The following AIG1 variants were observed in gnomAD, a reference collection of about 807,000 sequenced individuals.
AIG1 encodes the protein androgen-induced gene 1 protein.
AIG1 carries 23 observed loss-of-function variants against 31.4 expected under a neutral mutation model. The ratio of observed to expected loss-of-function variants is 0.73; its 90% confidence interval spans 0.53 to 1.04. The LOEUF (loss-of-function observed/expected upper bound fraction) is 1.04. Ranked by LOEUF, AIG1 falls within the 50% of genes least tolerant of loss-of-function variation. The pLI is 0.00. For missense variants in AIG1, 274 were observed against 295.0 expected (o/e 0.93, Z 0.52); for synonymous variants, 100 against 110.5 (o/e 0.90, Z 0.60).
At chr6:143,231,537 G>A (rs374673407) in intron 3 of AIG1, among the ~76,000 whole-genome samples, 3 of 152,164 alleles carry the variant, frequency 2.0e-5, no homozygotes, top group Admixed American at 6.5e-5. Context: ...CATGGGCATA[G>A]CTATAGACCA....
chr6:143,230,814 G>A (rs1303200282), intron 3 of AIG1, among the ~76,000 whole-genome samples: 1 of 152,098 alleles, frequency 6.6e-6, no homozygotes, highest in Non-Finnish European at 1.5e-5. Flanking sequence ...TAAAATTTGA[G>A]AACTATTAAT....
intron 4 of AIG1, among the ~76,000 whole-genome samples, chr6:143,296,294 T>A (rs1798423094): frequency 1.3e-5 from 2 of 152,134 alleles, no homozygotes; most frequent in Admixed American, 1.3e-4. Context: ...GTGACTGACA[T>A]CCTATAGGAG....
At chr6:143,283,895 A>C (rs1042069171) in intron 3 of AIG1, among the ~76,000 whole-genome samples, 1 of 152,222 alleles carries the variant, frequency 6.6e-6, no homozygotes, top group African/African-American at 2.4e-5. Context: ...AATACAATAA[A>C]ATTTCAAAAA....
In AIG1 at chr6:143,176,707, C is replaced by A. The variant is rs143609999; in HGVS notation, c.399+11524C>A. The stretch of plus-strand genomic sequence containing the variant: ...AAGCTGGTCTCGCTCCCACCTCCCA[C>A]CATGCCACCCCCAACAGCACACAGT... On this transcript the variant is annotated intron_variant, in intron 3 of 5. Transcript: ENST00000357847. 9.8e-3 allele frequency among the ~76,000 whole-genome samples: 1,493 copies of A among 152,378 alleles called. 20 individuals are homozygous for A. The highest frequency in any genetic ancestry group is 0.034 in the African/African-American group (1,427 of 41,586).
intron 4 of AIG1, among the ~76,000 whole-genome samples, chr6:143,301,355 G>A (rs572128768): frequency 6.6e-6 from 1 of 152,310 alleles, no homozygotes; most frequent in South Asian, 2.1e-4. Context: ...AAGGCCATCA[G>A]GTAGGTTTCC....
At position 143,334,200 on chromosome 6, in the gene AIG1, A is replaced by C. The variant is rs1054529007; in HGVS notation, c.679+755A>C. 1 of 1,148,864 alleles carries C rather than the reference A, an allele frequency of 8.7e-7. No individual in the cohort carries two copies. The highest frequency in any genetic ancestry group is 1.2e-6 in the Non-Finnish European group (1 of 825,430). 71.2% of individuals were successfully genotyped at this position (1,148,864 alleles called of 1,614,324 possible). On this transcript the variant is annotated intron_variant, in intron 5 of 5. Coordinates refer to ENST00000357847, the MANE Select transcript of AIG1 (RefSeq NM_016108.4). This position sits in a 1 kb window ranked among gnomAD's most constrained non-coding sequence, Gnocchi z 5.1. ...CGCCAGCACAGACATGTAGTGATTG[A>C]GTCCTGCATGAAAATACATCCAAAG...
chr6:143,200,520 A>G (rs1790613300), intron 3 of AIG1, among the ~76,000 whole-genome samples: 1 of 151,984 alleles, frequency 6.6e-6, no homozygotes, highest in African/African-American at 2.4e-5. Context: ...TCAACCCAGA[A>G]TGTTTCCACT....
At chr6:143,255,389 C>T (rs542066563) in intron 3 of AIG1, among the ~76,000 whole-genome samples, 3 of 152,276 alleles carry the variant, frequency 2.0e-5, no homozygotes, top group South Asian at 2.1e-4. Context: ...CCTGAGGCCT[C>T]GATTCTTGGC....
intron 3 of AIG1, among the ~76,000 whole-genome samples, chr6:143,255,235 T>A (rs2128651815): frequency 6.6e-6 from 1 of 152,312 alleles, no homozygotes; most frequent in Non-Finnish European, 1.5e-5. Context: ...TGAAAATGGT[T>A]CTTTCAGTTA....
chr6:143,255,196 A>G (rs948162475), intron 3 of AIG1, among the ~76,000 whole-genome samples: 1 of 152,192 alleles, frequency 6.6e-6, no homozygotes, highest in Non-Finnish European at 1.5e-5. Flanking sequence ...AGTTAGCAAC[A>G]ATAATTGAGC....
intron 5 of AIG1, chr6:143,335,209 G>A (rs1341980725): frequency 2.4e-5 from 29 of 1,195,024 alleles, no homozygotes; most frequent in Middle Eastern, 4.1e-4. Context: ...CTACATCGTG[G>A]AATTTTTGTT....
At chr6:143,059,475 T>A (rs1033478694), upstream of AIG1, among the ~76,000 whole-genome samples, 4 of 152,188 alleles carry the variant, frequency 2.6e-5, no homozygotes, top group Non-Finnish European at 4.4e-5. Context: ...TATAACCATG[T>A]ACCAAGGATG....
chr6:143,169,394 TC>T (rs1243077491), intron 3 of AIG1, among the ~76,000 whole-genome samples: 2 of 152,184 alleles, frequency 1.3e-5, no homozygotes, highest in South Asian at 2.1e-4. Flanking sequence ...AATGGCCAAA[TC>T]AGGGTAATTA....
At chr6:143,143,556 C>T (rs373578188) in intron 2 of AIG1, among the ~76,000 whole-genome samples, 5,062 of 71,376 alleles carry the variant, frequency 0.071, 505 homozygotes, top group African/African-American at 0.26. Context: ...TATATATATA[C>T]ACACACACTT....
At position 143,245,289 on chromosome 6, in the gene AIG1, C is replaced by A. The variant is rs1794541626; in HGVS notation, c.400-38821C>A. ...ATTCAGTTTATTTCAGTGGAAAGTC[C>A]TACCACTATCCAAAGTCTGAATTTC... On this transcript the variant is annotated intron_variant, in intron 3 of 5. Transcript: ENST00000357847. Among the ~76,000 whole-genome samples, 3 of 152,116 alleles carry A rather than the reference C, an allele frequency of 2.0e-5. No homozygotes were observed. The South Asian group carries it at 6.2e-4, about 32-fold the overall frequency.
At chr6:143,313,826 A>G (rs961689308) in intron 4 of AIG1, among the ~76,000 whole-genome samples, 3 of 152,076 alleles carry the variant, frequency 2.0e-5, no homozygotes, top group African/African-American at 7.2e-5. Flanking sequence ...TACACCTACT[A>G]TGAACCCACA....
At chr6:143,247,136 A>G (rs1241089066) in intron 3 of AIG1, among the ~76,000 whole-genome samples, 3 of 106,776 alleles carry the variant, frequency 2.8e-5, no homozygotes, top group African/African-American at 1.3e-4. Context: ...TTTGGTGTCC[A>G]AGATTTTTTT....
At chr6:143,107,871 T>C (rs1171102175) in intron 1 of AIG1, among the ~76,000 whole-genome samples, 1 of 152,222 alleles carries the variant, frequency 6.6e-6, no homozygotes, top group African/African-American at 2.4e-5. Context: ...GTTTCTTGTG[T>C]TTCTTCTAAC....
Position 143,287,702 on chromosome 6 carries a change from G to A in AIG1, c.515+3477G>A, listed in dbSNP as rs376005285. Among the ~76,000 whole-genome samples the A allele has an allele frequency of 8.1e-4, 93 of 115,206 alleles. 2 individuals carry two copies. Among genetic ancestry groups the A allele is most frequent in the African/African-American group, 3.1e-3 (91 of 29,460 alleles). The allele number at this position is 115,206 out of a possible 152,430, so 75.6% of individuals were successfully genotyped here. Reference sequence around the variant, plus strand: ...CCATAGTTGGAAAGACACTGTTATTGTATATAAAGCCCATAGAACAATGCC... The same window carrying A: ...CCATAGTTGGAAAGACACTGTTATTATATATAAAGCCCATAGAACAATGCC... On this transcript the variant is annotated intron_variant, in intron 4 of 5. Coordinates refer to ENST00000357847, the MANE Select transcript of AIG1 (RefSeq NM_016108.4).
Sources: gnomAD v4.1 joint callset for allele counts (sites outside exome capture counted in the v4.1 genomes callset) on GRCh38, gnomAD v4.1.1 for gene constraint, Gnocchi (gnomAD v3.1) non-coding constraint, MANE v1.5 for transcripts, NCBI Gene and HGNC (gene_info 2026-07-23, HGNC 2026-07-21) for gene names.